The following PPARGC1B variants were observed in gnomAD, a reference collection of about 807,000 sequenced individuals.
PPARGC1B encodes peroxisome proliferator-activated receptor gamma coactivator 1-beta.
A neutral mutation model predicts 101.6 loss-of-function variants in PPARGC1B; 34 were observed. The ratio of observed to expected loss-of-function variants is 0.33; its 90% CI spans 0.25 to 0.45. PPARGC1B has a LOEUF of 0.45. Ranked by LOEUF, PPARGC1B falls within the 20% of genes least tolerant of loss-of-function variation. The pLI is 1.00. For missense variants in PPARGC1B, 1,234 were observed against 1,317.6 expected (o/e 0.94, Z 0.98); for synonymous variants, 548 against 539.3 (o/e 1.02, Z -0.22).
chr5:149,835,190 C>T (rs989237664), intron 6 of PPARGC1B, 111 bp from the exon 7 acceptor site: 5 of 930,584 alleles, frequency 5.4e-6, no homozygotes, highest in Non-Finnish European at 8.7e-6. Flanking sequence ...TTTCCATGGG[C>T]AGTGGAACCA....
intron 1 of PPARGC1B, among the ~76,000 whole-genome samples, chr5:149,767,189 G>T (rs1301164676): frequency 6.6e-6 from 1 of 152,202 alleles, no homozygotes; most frequent in African/African-American, 2.4e-5. Context: ...AGGAAGGTGT[G>T]GGTTGGGGTG....
At chr5:149,750,423 T>G (rs905557960) in intron 1 of PPARGC1B, among the ~76,000 whole-genome samples, 5 of 147,762 alleles carry the variant, frequency 3.4e-5, no homozygotes, top group African/African-American at 1.2e-4. Flanking sequence ...AAACAAACTT[T>G]CTTTTAGCTG....
At chr5:149,799,812 C>T (rs1757374738) in intron 1 of PPARGC1B, among the ~76,000 whole-genome samples, 1 of 146,816 alleles carries the variant, frequency 6.8e-6, no homozygotes, top group Non-Finnish European at 1.5e-5. Flanking sequence ...ATTATCCTGC[C>T]TCAGCCTCCT....
chr5:149,787,157 G>C (rs182466092), intron 1 of PPARGC1B, among the ~76,000 whole-genome samples: 177 of 152,356 alleles, frequency 1.2e-3, no homozygotes, highest in Non-Finnish European at 6.8e-4. Context: ...ACCACAGCAA[G>C]AGAGCATTTC....
At position 149,833,028 on chromosome 5, in the gene PPARGC1B, C is replaced by A. The variant is rs1758866632; in HGVS notation, c.955C>A (p.Pro319Thr). 1 of 1,613,774 alleles carries A rather than the reference C, an allele frequency of 6.2e-7. No homozygotes were observed. Among genetic ancestry groups the A allele is most frequent in the Non-Finnish European group, 8.5e-7 (1 of 1,179,996 alleles). ...GCCACTCCCCAAGGCCTGCAGCAAC[C>A]CCTCCCAGCAGGTCAGATCCCGGCC... Reference protein sequence around the residue: ...PEPLPKACSNPSQQVRSRPWS... With the variant: ...PEPLPKACSNTSQQVRSRPWS... The change falls in exon 5 of 12, where the codon CCC becomes ACC. Residue 319 changes from proline (P) to threonine (T), a missense_variant. Coordinates refer to ENST00000309241, the MANE Select transcript of PPARGC1B (RefSeq NM_133263.4). The surrounding 1 kb of genome is among the most constrained non-coding windows in gnomAD (Gnocchi z 4.1).
intron 1 of PPARGC1B, among the ~76,000 whole-genome samples, chr5:149,763,823 G>A (rs553780190): frequency 1.3e-5 from 2 of 149,288 alleles, no homozygotes; most frequent in Middle Eastern, 3.5e-3. Flanking sequence ...AGTCTCTGTC[G>A]CTCGGGCTGG....
intron 1 of PPARGC1B, chr5:149,772,175 G>T: frequency 6.2e-7 from 1 of 1,607,488 alleles, no homozygotes; most frequent in Non-Finnish European, 8.5e-7. Context: ...AGGTGGCGTT[G>T]GTGGTGAAGG....
chr5:149,796,820 G>A (rs780279639), intron 1 of PPARGC1B, among the ~76,000 whole-genome samples: 7 of 152,214 alleles, frequency 4.6e-5, no homozygotes, highest in Non-Finnish European at 1.0e-4. Context: ...ACTGGTTTGG[G>A]TGGAAATAGA....
At chr5:149,763,727 C>T (rs1187289428) in intron 1 of PPARGC1B, among the ~76,000 whole-genome samples, 10 of 152,004 alleles carry the variant, frequency 6.6e-5, no homozygotes, top group Non-Finnish European at 1.5e-4. Flanking sequence ...GATAAGGTCT[C>T]ACTATGTTGC....
At position 149,851,531 on chromosome 5, in the gene PPARGC1B, C is replaced by G. The variant is rs534406424; in HGVS notation, c.*3973C>G. ...CCTTCAGTTTGGGGTTACCCACATC[C>G]CAGCATCAGATATGATTAAGGAAAG... On this transcript the variant is annotated 3_prime_UTR_variant, in exon 12 of 12. Coordinates refer to ENST00000309241, the MANE Select transcript of PPARGC1B (RefSeq NM_133263.4). The G allele has an allele frequency of 2.0e-5, 3 of 152,284 alleles. No homozygotes were observed. Among genetic ancestry groups the G allele is most frequent in the South Asian group, 4.1e-4 (2 of 4,830 alleles). The allele number at this position is 152,284 out of a possible 1,614,324, so 9.4% of individuals were successfully genotyped here.
rs369932300 is a variant in PPARGC1B, at chr5:149,749,180, A to T, written c.78+18760A>T. On this transcript the variant is annotated intron_variant, in intron 1 of 11. Coordinates refer to ENST00000309241, the MANE Select transcript of PPARGC1B (RefSeq NM_133263.4). ...GGTACAGCCCTCAATAAATTTAATG[A>T]TGCAGATGATACTTAGTGCCATCAT... 9.8e-5 allele frequency among the ~76,000 whole-genome samples: 15 copies of T among 152,300 alleles called. No homozygotes were observed. The South Asian group carries it at 2.9e-3, about 29-fold the overall frequency.
intron 8 of PPARGC1B, among the ~76,000 whole-genome samples, chr5:149,839,543 G>T (rs190381156): frequency 1.4e-3 from 209 of 152,312 alleles, no homozygotes; most frequent in African/African-American, 4.7e-3. Flanking sequence ...CTTGGCTGAG[G>T]CATGAACCCA....
rs767026225 is a variant in PPARGC1B at position 149,842,332 on chromosome 5, T to A, written c.2771T>A (p.Val924Glu). The change falls in exon 10 of 12, where the codon GTG (valine) becomes GAG (glutamate). Residue 924 changes from valine (V) to glutamate (E), a missense_variant. Val to Glu is a moderately radical substitution (Grantham distance 121, BLOSUM62 -2). Around this residue, in one of 3 missense-constraint regions of PPARGC1B, gnomAD observed 497 missense variants for 529.5 expected, o/e 0.94. Coordinates refer to ENST00000309241, the MANE Select transcript of PPARGC1B (RefSeq NM_133263.4). ...SSRELKRRFE[V>E]FGEIEECEVL... ...CGAGAGCTGAAGAGGCGCTTTGAAG[T>A]GTTTGGTGAGATTGAGGAGTGCGAG... 1 of 1,613,690 alleles carries A rather than the reference T, an allele frequency of 6.2e-7. No individual in the cohort carries two copies. The highest frequency in any genetic ancestry group is 1.1e-5 in the South Asian group (1 of 90,996).
chr5:149,761,250 T>C (rs191859495), intron 1 of PPARGC1B, among the ~76,000 whole-genome samples: 1 of 152,186 alleles, frequency 6.6e-6, no homozygotes, highest in African/African-American at 2.4e-5. Context: ...TGTGTGTGCT[T>C]GTGTGTATGT....
At chr5:149,795,332 A>T (rs1202269377) in intron 1 of PPARGC1B, among the ~76,000 whole-genome samples, 1 of 152,186 alleles carries the variant, frequency 6.6e-6, no homozygotes, top group African/African-American at 2.4e-5. Flanking sequence ...AAATGGAGAT[A>T]AAAAGGGGAC....
intron 1 of PPARGC1B, among the ~76,000 whole-genome samples, chr5:149,732,149 C>T (rs1015579863): frequency 9.2e-5 from 14 of 152,094 alleles, no homozygotes; most frequent in African/African-American, 3.4e-4. Context: ...GCCGTCGTCG[C>T]CGGGCTCCGT....
At chr5:149,747,953 G>A (rs1755148703) in intron 1 of PPARGC1B, among the ~76,000 whole-genome samples, 2 of 152,146 alleles carry the variant, frequency 1.3e-5, no homozygotes, top group African/African-American at 4.8e-5. Context: ...AGAGCAGGGT[G>A]GGGTTGAGGA....
chr5:149,816,310 A>G (rs1196413631), intron 1 of PPARGC1B, among the ~76,000 whole-genome samples: 2 of 152,196 alleles, frequency 1.3e-5, no homozygotes, highest in African/African-American at 4.8e-5. Flanking sequence ...CAGCCATTTT[A>G]TGGACATTTT....
intron 1 of PPARGC1B, among the ~76,000 whole-genome samples, chr5:149,809,115 T>TAGATAGA (rs1554078892): frequency 2.3e-4 from 19 of 84,158 alleles, no homozygotes; most frequent in African/African-American, 8.6e-4. Context: ...TATCTCCACC[T>TAGATAGA]TAGATAGATA....
Sources: allele counts gnomAD v4.1 joint callset (sites outside exome capture counted in the v4.1 genomes callset), GRCh38; gene constraint gnomAD v4.1.1; regional missense constraint gnomAD v4.1.1; non-coding constraint Gnocchi (gnomAD v3.1); transcripts MANE v1.5; gene names NCBI Gene and HGNC (gene_info 2026-07-23, HGNC 2026-07-21).